Variants in GNL3L observed in about 807,000 individuals in gnomAD.
GNL3L encodes the protein guanine nucleotide-binding protein-like 3-like protein.
Under a neutral mutation model 42.9 loss-of-function variants are expected in GNL3L, and 4 were observed. That is an observed-to-expected ratio of 0.09 (90% CI 0.05 to 0.21). GNL3L has a LOEUF of 0.21. Among genes scored for constraint, GNL3L ranks in the 10% least tolerant of loss-of-function variants. GNL3L has a pLI of 1.00. For synonymous variants in GNL3L, 159 were observed against 176.3 expected (o/e 0.90, Z 0.78); for missense variants, 412 against 481.7 (o/e 0.86, Z 1.36).
the GNL3L span, among the ~76,000 whole-genome samples, chrX:54,635,987 A>G: frequency 1.8e-5 from 2 of 111,653 alleles, no homozygotes; most frequent in Non-Finnish European, 3.8e-5. Context: ...AATTTCTCAA[A>G]TAAACTCTCC....
intron 14 of GNL3L, among the ~76,000 whole-genome samples, chrX:54,555,633 ATTTTTTTTTTT>A (rs759334820): frequency 4.5e-5 from 3 of 66,381 alleles, no homozygotes; most frequent in South Asian, 6.8e-4. Context: ...ACCATGCCTA[ATTTTTTTTTTT>A]TTTTTTTTTT....
chrX:54,626,129 A>T (rs988635138), downstream of GNL3L, among the ~76,000 whole-genome samples: 2 of 111,368 alleles, frequency 1.8e-5, no homozygotes, highest in Non-Finnish European at 3.8e-5. Flanking sequence ...GATAGAACTC[A>T]TTCCTCATAT....
intron 16 of GNL3L, among the ~76,000 whole-genome samples, chrX:54,601,860 C>T (rs1926008303): frequency 8.9e-6 from 1 of 111,788 alleles, no homozygotes; most frequent in Non-Finnish European, 1.9e-5. Context: ...AGAATAGCTT[C>T]GTTTATTCAG....
chrX:54,573,744 T>C (rs768309631), intron 16 of GNL3L, among the ~76,000 whole-genome samples: 1 of 111,438 alleles, frequency 9.0e-6, no homozygotes, highest in South Asian at 3.8e-4. Flanking sequence ...TGTTTGAACA[T>C]ACGGAATATA....
At chrX:54,573,280 C>G (rs1163547537) in intron 16 of GNL3L, among the ~76,000 whole-genome samples, 1 of 113,440 alleles carries the variant, frequency 8.8e-6, no homozygotes, top group Admixed American at 9.2e-5. Context: ...GAACCAGACT[C>G]CGTCTGCAAT....
At position 54,541,370 on chromosome X, in the gene GNL3L, A is replaced by G. The variant is rs1222874211; in HGVS notation, c.287A>G (p.Gln96Arg). Residue 96 changes from glutamine to arginine, a missense_variant, in exon 5 of 16, where the codon CAG becomes CGG. Transcript: ENST00000360845. The part of the protein sequence containing the change: ...ESYCQDVLRR[Q>R]EEFEHKEEVL... ...TACTGTCAGGATGTCCTAAGACGCC[A>G]GGAGGAGTTTGAGCATAAGGTAAGA... 1 of 1,188,400 alleles carries G rather than the reference A, an allele frequency of 8.4e-7. No homozygotes were observed. Among genetic ancestry groups the G allele is most frequent in the East Asian group, 3.0e-5 (1 of 33,754 alleles).
chrX:54,607,081 T>C (rs56345776), intron 16 of GNL3L, among the ~76,000 whole-genome samples: 1,131 of 33,630 alleles, frequency 0.034, 98 homozygotes, highest in African/African-American at 0.17. Flanking sequence ...TCTCTTTCTT[T>C]CTTCTTTCTT....
chrX:54,584,989 G>T (rs1286033337), intron 16 of GNL3L, among the ~76,000 whole-genome samples: 1 of 111,528 alleles, frequency 9.0e-6, no homozygotes, highest in African/African-American at 3.3e-5. Flanking sequence ...TCACCATGTT[G>T]GTCAGGCTGG....
chrX:54,540,694 G>C (rs1439205527), intron 4 of GNL3L, among the ~76,000 whole-genome samples: 1 of 110,366 alleles, frequency 9.1e-6, no homozygotes, highest in Non-Finnish European at 1.9e-5. Context: ...ATTTCACCTT[G>C]TTGTCCCGGC....
intron 5 of GNL3L, among the ~76,000 whole-genome samples, chrX:54,541,864 G>GTGTA (rs1243357869): frequency 9.0e-6 from 1 of 111,436 alleles, no homozygotes; most frequent in African/African-American, 3.3e-5. Context: ...GATATGCAGT[G>GTGTA]TGTATGCCTC....
intron 13 of GNL3L, among the ~76,000 whole-genome samples, chrX:54,554,276 A>T (rs1360071970): frequency 9.0e-6 from 1 of 111,571 alleles, no homozygotes; most frequent in Non-Finnish European, 1.9e-5. Context: ...CCAGAGCATT[A>T]CAGACATCTG....
chrX:54,588,777 A>G (rs1925824908), intron 16 of GNL3L, among the ~76,000 whole-genome samples: 1 of 111,805 alleles, frequency 8.9e-6, no homozygotes, highest in Non-Finnish European at 1.9e-5. Context: ...GCGAGCCAAG[A>G]TCGCGCTACG....
intron 15 of GNL3L, 117 bp from the exon 16 acceptor site, chrX:54,560,403 G>A: frequency 2.0e-6 from 1 of 506,090 alleles, no homozygotes; most frequent in African/African-American, 2.3e-5. Flanking sequence ...AGCGTTTGGG[G>A]GTAAGTGAGC....
chrX:54,604,255 TG>T (rs1203083532), intron 16 of GNL3L, among the ~76,000 whole-genome samples: 1 of 111,927 alleles, frequency 8.9e-6, no homozygotes, highest in African/African-American at 3.2e-5. Flanking sequence ...TACCTTTTAG[TG>T]GGAGGAAATG....
intron 2 of GNL3L, among the ~76,000 whole-genome samples, chrX:54,536,174 C>T (rs746275155): frequency 2.8e-5 from 3 of 107,876 alleles, no homozygotes; most frequent in South Asian, 4.2e-4. Flanking sequence ...GTCAGGCATC[C>T]GGCTAATTTT....
chrX:54,573,872 A>C (rs1211116508), intron 16 of GNL3L, among the ~76,000 whole-genome samples: 2 of 99,135 alleles, frequency 2.0e-5, no homozygotes, highest in Non-Finnish European at 4.0e-5. Flanking sequence ...TTTTTTTTGC[A>C]TAACCAGTAA....
intron 16 of GNL3L, among the ~76,000 whole-genome samples, chrX:54,612,468 T>C (rs1445961130): frequency 8.9e-6 from 1 of 111,836 alleles, no homozygotes; most frequent in Non-Finnish European, 1.9e-5. Context: ...CCATGTACTT[T>C]GATTTTTTTG....
At chrX:54,600,054 A>G (rs1925983770) in intron 16 of GNL3L, among the ~76,000 whole-genome samples, 1 of 108,462 alleles carries the variant, frequency 9.2e-6, no homozygotes. Flanking sequence ...TAGTTAAAAA[A>G]TCTCTGTTAT....
chrX:54,634,028 T>G, the GNL3L span, among the ~76,000 whole-genome samples: 1 of 112,544 alleles, frequency 8.9e-6, no homozygotes, highest in Non-Finnish European at 1.9e-5. Context: ...GTCACTTCTT[T>G]CACTGCTTTC....
Sources: allele counts gnomAD v4.1 joint callset (sites outside exome capture counted in the v4.1 genomes callset), GRCh38; gene constraint gnomAD v4.1.1; transcripts MANE v1.5; gene names NCBI Gene and HGNC (gene_info 2026-07-23, HGNC 2026-07-21).